The following BHMT2 variants were observed in gnomAD, a reference collection of about 807,000 sequenced individuals.
The protein encoded by BHMT2 is S-methylmethionine--homocysteine S-methyltransferase BHMT2.
A neutral mutation model predicts 39.0 loss-of-function variants in BHMT2; 28 were observed. The ratio of observed to expected loss-of-function variants is 0.72; its 90% CI spans 0.53 to 0.98. BHMT2 has a LOEUF of 0.98. BHMT2 is among the 50% of genes least tolerant of loss of function. BHMT2 has a pLI of 0.00. For missense variants in BHMT2, 410 were observed against 455.6 expected (o/e 0.90, Z 0.91); for synonymous variants, 145 against 160.6 (o/e 0.90, Z 0.74).
chr5:79,071,965 A>T (rs369982693), intron 1 of BHMT2, among the ~76,000 whole-genome samples: 1 of 152,036 alleles, frequency 6.6e-6, no homozygotes, highest in East Asian at 1.9e-4. Context: ...GCTAATGGCT[A>T]TGTAGAAAAA....
At chr5:79,086,290 T>C (rs1580255338) in intron 7 of BHMT2, among the ~76,000 whole-genome samples, 1 of 152,280 alleles carries the variant, frequency 6.6e-6, no homozygotes, top group South Asian at 2.1e-4. Flanking sequence ...CTGACCCCAA[T>C]TTAACAGCAC....
At chr5:79,069,935 G>C (rs1156996103) in intron 1 of BHMT2, 120 bp downstream of exon 1, 2 of 1,091,044 alleles carry the variant, frequency 1.8e-6, no homozygotes, top group Non-Finnish European at 2.4e-6. Context: ...ACTTGGACGG[G>C]ATGGCCCTGA....
At chr5:79,088,046 GGTGC>G (rs1435614684) in intron 7 of BHMT2, among the ~76,000 whole-genome samples, 1 of 152,108 alleles carries the variant, frequency 6.6e-6, no homozygotes, top group Non-Finnish European at 1.5e-5. Flanking sequence ...CTGGTGTGGT[GGTGC>G]ACGCCAGTAG....
At chr5:79,076,489 A>G (rs1755675512) in intron 1 of BHMT2, among the ~76,000 whole-genome samples, 1 of 152,132 alleles carries the variant, frequency 6.6e-6, no homozygotes, top group East Asian at 1.9e-4. Flanking sequence ...TCAAAAGGAA[A>G]CTGCACCCCA....
At chr5:79,084,196 G>A (rs1050373974) in intron 7 of BHMT2, among the ~76,000 whole-genome samples, 1 of 152,198 alleles carries the variant, frequency 6.6e-6, no homozygotes, top group African/African-American at 2.4e-5. Context: ...ATTCCTTATA[G>A]ATGATACCTT....
intron 1 of BHMT2, among the ~76,000 whole-genome samples, chr5:79,072,703 A>G (rs754469588): frequency 6.6e-6 from 1 of 152,322 alleles, no homozygotes; most frequent in East Asian, 1.9e-4. Flanking sequence ...AGCAGGACAC[A>G]AAAGGGGTAT....
intron 1 of BHMT2, among the ~76,000 whole-genome samples, chr5:79,071,406 A>G (rs1461405814): frequency 6.6e-6 from 1 of 152,252 alleles, no homozygotes; most frequent in African/African-American, 2.4e-5. Context: ...TCTTGAAGCC[A>G]GATCTTAAAC....
chr5:79,082,119 G>A (rs1254404061), intron 4 of BHMT2, among the ~76,000 whole-genome samples: 1 of 152,166 alleles, frequency 6.6e-6, no homozygotes, highest in Non-Finnish European at 1.5e-5. Flanking sequence ...TCTAACTCAA[G>A]AGGGAAGAAA....
chr5:79,080,975 T>C (rs993571991), intron 4 of BHMT2, 97 bp downstream of exon 4: 54 of 1,174,430 alleles, frequency 4.6e-5, no homozygotes, highest in Non-Finnish European at 6.3e-5. Context: ...CATTCTGCCC[T>C]CATTTCTTCC....
In BHMT2 at chr5:79,089,757, A is replaced by C. The variant is rs1755986314; in HGVS notation, c.*1183A>C. ...CAGGGCGGGCAGATCACTTGGGTCA[A>C]GAGTTCAAGGCCAGCCTGGCCAACA... On this transcript the variant is annotated 3_prime_UTR_variant, in exon 8 of 8. Coordinates refer to ENST00000255192, the MANE Select transcript of BHMT2 (RefSeq NM_017614.5). 6.6e-6 allele frequency among the ~76,000 whole-genome samples: 1 copy of C among 152,186 alleles called. No individual in the cohort carries two copies. The highest frequency in any genetic ancestry group is 2.1e-4 in the South Asian group (1 of 4,834).
chr5:79,071,437 T>C (rs1248151814), intron 1 of BHMT2, among the ~76,000 whole-genome samples: 3 of 152,212 alleles, frequency 2.0e-5, no homozygotes, highest in Admixed American at 6.5e-5. Flanking sequence ...TACGTAGTGA[T>C]ATCTGCAAAA....
chr5:79,077,499 AG>A lies in BHMT2; in HGVS notation c.54del (p.Ser19ValfsTer5). ...GAKKGILERL[E>X]SGEVVIGDGS... ...CTTCAGGGGATTTTGGAGCGCCTGG[AG>A]AGTGGGGAGGTTGTGATTGGAGATG... is the stretch of plus-strand genomic sequence containing the variant. On this transcript the variant is annotated frameshift_variant, in exon 2 of 8. Transcript: ENST00000255192. LOFTEE classifies it high-confidence loss of function. The A allele has an allele frequency of 6.2e-7, 1 of 1,612,304 alleles. No homozygotes were observed. Among genetic ancestry groups the A allele is most frequent in the Non-Finnish European group, 8.5e-7 (1 of 1,179,724 alleles).
At chr5:79,087,324 C>T (rs1755920954) in intron 7 of BHMT2, among the ~76,000 whole-genome samples, 1 of 151,738 alleles carries the variant, frequency 6.6e-6, no homozygotes. Context: ...GTATATGTGT[C>T]ATACTTTTTA....
chr5:79,083,524 A>G lies in BHMT2; in HGVS notation c.782-104A>G, dbSNP rs1378281731. 3 of 1,488,320 alleles carry G rather than the reference A, an allele frequency of 2.0e-6. No homozygotes were observed. The African/African-American group carries it at 4.2e-5, about 21-fold the overall frequency. 92.2% of individuals were successfully genotyped at this position (1,488,320 alleles called of 1,614,324 possible). A position where few individuals can be genotyped will look rare whatever the true frequency, so the allele number is the denominator to read the frequency against. Reference sequence around the variant, plus strand: ...AAATGAGCTATCAGAAGAATGCATCATCTAAAGTTTATAGTTTTTTTAATT... The same window carrying G: ...AAATGAGCTATCAGAAGAATGCATCGTCTAAAGTTTATAGTTTTTTTAATT... On this transcript the variant is annotated intron_variant, in intron 6 of 7. Coordinates refer to ENST00000255192, the MANE Select transcript of BHMT2 (RefSeq NM_017614.5).
chr5:79,087,743 T>C (rs1312728384), intron 7 of BHMT2, among the ~76,000 whole-genome samples: 1 of 152,252 alleles, frequency 6.6e-6, no homozygotes, highest in African/African-American at 2.4e-5. Context: ...ATTTGTATTA[T>C]TTTCTTAGTT....
intron 2 of BHMT2, 43 bp downstream of exon 2, chr5:79,077,655 T>G: frequency 6.4e-7 from 1 of 1,574,086 alleles, no homozygotes; most frequent in East Asian, 2.3e-5. Flanking sequence ...GAGTGGTATT[T>G]TATTTAAATC....
chr5:79,082,946 G>C lies in BHMT2; in HGVS notation c.588G>C (p.Leu196=). 3 of 1,614,164 alleles carry C rather than the reference G, an allele frequency of 1.9e-6. No individual in the cohort carries two copies. Among genetic ancestry groups the C allele is most frequent in the South Asian group, 1.1e-5 (1 of 91,070 alleles). The change falls in exon 5 of 8, where the codon CTG becomes CTC. Residue 196 remains leucine (L), a synonymous_variant. Coordinates refer to ENST00000255192, the MANE Select transcript of BHMT2 (RefSeq NM_017614.5). ...DITPGECAVR[L]VKAGASIVGV... ...CCCCCGGAGAATGTGCTGTGAGGCTGGTGAAGGCAGGTAATTTGGACCCAT... is the reference window on the plus strand; with the variant it reads ...CCCCCGGAGAATGTGCTGTGAGGCTCGTGAAGGCAGGTAATTTGGACCCAT...
chr5:79,079,446 A>G lies in BHMT2; in HGVS notation c.244A>G (p.Asn82Asp), dbSNP rs1363428940. ...TTTTACCTTTTCTGCCAGTGAGGAC[A>G]ATATGGAAAGCAAGGTAAACGGCAA... The part of the protein sequence containing the change: ...QTFTFSASED[N>D]MESKWEDVNA... Residue 82 changes from asparagine to aspartate, a missense_variant, in exon 3 of 8, where the codon AAT (asparagine) becomes GAT (aspartate). Coordinates refer to ENST00000255192, the MANE Select transcript of BHMT2 (RefSeq NM_017614.5). The G allele has an allele frequency of 1.2e-6, 2 of 1,613,380 alleles. No homozygotes were observed. The highest frequency in any genetic ancestry group is 1.7e-6 in the Non-Finnish European group (2 of 1,179,342).
chr5:79,077,257 T>C (rs1208256803), intron 1 of BHMT2, among the ~76,000 whole-genome samples: 2 of 152,242 alleles, frequency 1.3e-5, no homozygotes. Flanking sequence ...TTAAATGTTA[T>C]TTAAGAATAA....
Sources: gnomAD v4.1 joint callset for allele counts (sites outside exome capture counted in the v4.1 genomes callset) on GRCh38, gnomAD v4.1.1 for gene constraint, MANE v1.5 for transcripts, NCBI Gene and HGNC (gene_info 2026-07-23, HGNC 2026-07-21) for gene names.